Variants in TMEM135 observed in about 807,000 individuals in gnomAD.
TMEM135 encodes the protein peroxisomal membrane protein 52.
TMEM135 carries 30 observed loss-of-function variants against 60.3 expected under a neutral mutation model. That is an observed-to-expected ratio of 0.50 (90% CI 0.37 to 0.68). The LOEUF (loss-of-function observed/expected upper bound fraction) is 0.68, where lower values mean the gene tolerates loss of function less well. Ranked by LOEUF, TMEM135 falls within the 30% of genes least tolerant of loss-of-function variation. The pLI, the probability that TMEM135 is intolerant of heterozygous loss-of-function variation, is 0.00. For missense variants in TMEM135, 468 were observed against 548.8 expected (o/e 0.85, Z 1.47); for synonymous variants, 190 against 186.7 (o/e 1.02, Z -0.14).
At chr11:87,176,377 A>T (rs780075820) in intron 5 of TMEM135, among the ~76,000 whole-genome samples, 3 of 152,078 alleles carry the variant, frequency 2.0e-5, no homozygotes, top group Non-Finnish European at 4.4e-5. Context: ...TGCTAGCCCC[A>T]TGTGTCTTGT....
intron 5 of TMEM135, among the ~76,000 whole-genome samples, chr11:87,174,269 T>G (rs750934920): frequency 6.6e-5 from 10 of 152,104 alleles, no homozygotes; most frequent in Non-Finnish European, 1.5e-4. Flanking sequence ...GGGAAGAAAA[T>G]ATTAAGATAC....
chr11:87,061,515 T>G (rs562415451), intron 1 of TMEM135, among the ~76,000 whole-genome samples: 1 of 152,356 alleles, frequency 6.6e-6, no homozygotes, highest in Non-Finnish European at 1.5e-5. Flanking sequence ...GACTCTTATT[T>G]GCAAACTATT....
chr11:87,242,870 G>A (rs1163889698), intron 6 of TMEM135, among the ~76,000 whole-genome samples: 4 of 147,698 alleles, frequency 2.7e-5, no homozygotes, highest in African/African-American at 1.0e-4. Flanking sequence ...GATCCCATTT[G>A]TCAATTTTGG....
At chr11:87,180,973 A>G (rs1187464021) in intron 5 of TMEM135, among the ~76,000 whole-genome samples, 1 of 152,210 alleles carries the variant, frequency 6.6e-6, no homozygotes, top group Non-Finnish European at 1.5e-5. Flanking sequence ...AACAGCAGCT[A>G]ACAAATGCCA....
At chr11:87,221,757 T>G (rs1940621267) in intron 5 of TMEM135, among the ~76,000 whole-genome samples, 1 of 152,246 alleles carries the variant, frequency 6.6e-6, no homozygotes, top group Non-Finnish European at 1.5e-5. Flanking sequence ...CACTAGATTT[T>G]CATCCCTATG....
At chr11:87,096,982 G>A (rs1429855124) in intron 4 of TMEM135, among the ~76,000 whole-genome samples, 1 of 147,696 alleles carries the variant, frequency 6.8e-6, no homozygotes, top group African/African-American at 2.5e-5. Context: ...AGACAGTAGA[G>A]TATTCCTGGA....
chr11:87,149,544 A>G (rs1938502125), intron 4 of TMEM135, among the ~76,000 whole-genome samples: 1 of 152,206 alleles, frequency 6.6e-6, no homozygotes, highest in African/African-American at 2.4e-5. Context: ...TATGTTCTTA[A>G]TATTGTCTTA....
chr11:87,250,117 C>T (rs1941381274), intron 6 of TMEM135, among the ~76,000 whole-genome samples: 1 of 152,068 alleles, frequency 6.6e-6, no homozygotes, highest in African/African-American at 2.4e-5. Flanking sequence ...CTCTTAGGAG[C>T]ATTTGCATTT....
chr11:87,173,061 A>C (rs1228791377), intron 5 of TMEM135, among the ~76,000 whole-genome samples: 6 of 152,078 alleles, frequency 3.9e-5, no homozygotes, highest in Non-Finnish European at 8.8e-5. Flanking sequence ...ACCTAGAAGT[A>C]AACTCTCAAA....
intron 5 of TMEM135, among the ~76,000 whole-genome samples, chr11:87,205,720 C>T (rs1018224513): frequency 1.3e-5 from 2 of 152,090 alleles, no homozygotes; most frequent in Admixed American, 6.5e-5. Context: ...GACAGTGTCT[C>T]GTAATATTTT....
At chr11:87,153,070 C>G (rs541558946) in intron 4 of TMEM135, among the ~76,000 whole-genome samples, 37 of 152,014 alleles carry the variant, frequency 2.4e-4, no homozygotes, top group Admixed American at 1.1e-3. Context: ...TTTAAAATTC[C>G]GTGATGTTTC....
At chr11:87,214,675 T>C (rs1591109469) in intron 5 of TMEM135, among the ~76,000 whole-genome samples, 1 of 152,172 alleles carries the variant, frequency 6.6e-6, no homozygotes, top group East Asian at 1.9e-4. Flanking sequence ...TCTGAGTATT[T>C]AAAGCTTTTT....
intron 6 of TMEM135, among the ~76,000 whole-genome samples, chr11:87,262,617 C>T (rs1941673900): frequency 6.6e-6 from 1 of 152,128 alleles, no homozygotes; most frequent in African/African-American, 2.4e-5. Flanking sequence ...TTGTATCAAT[C>T]AGCTACTGTA....
chr11:87,075,080 C>T (rs948166512), intron 3 of TMEM135, among the ~76,000 whole-genome samples: 2 of 152,114 alleles, frequency 1.3e-5, no homozygotes, highest in African/African-American at 4.8e-5. Flanking sequence ...CACCGCCTCC[C>T]CAACCCCCGA....
At position 87,325,765 on chromosome 11, in the gene TMEM135, T is replaced by C. The variant is rs958677187; in HGVS notation, c.*4432T>C. On this transcript the variant is annotated 3_prime_UTR_variant, in exon 15 of 15. Coordinates refer to ENST00000305494, the MANE Select transcript of TMEM135 (RefSeq NM_022918.4). ...GATGTAGAAGATAATTGCACAGATA[T>C]GGAAGGAGATGTTTCTCTGTATGTG... is the stretch of plus-strand genomic sequence containing the variant. 2.2e-6 allele frequency: 1 copy of C among 453,868 alleles called. No homozygotes were observed. The highest frequency in any genetic ancestry group is 2.0e-5 in the African/African-American group (1 of 49,968). 28.1% of individuals were successfully genotyped at this position (453,868 alleles called of 1,614,324 possible). A position where few individuals can be genotyped will look rare whatever the true frequency, so the allele number is the denominator to read the frequency against.
At chr11:87,285,385 C>G (rs1206042669) in intron 6 of TMEM135, among the ~76,000 whole-genome samples, 1 of 152,144 alleles carries the variant, frequency 6.6e-6, no homozygotes, top group Non-Finnish European at 1.5e-5. Flanking sequence ...TGTTACAGTT[C>G]TTAAAGATGG....
intron 3 of TMEM135, among the ~76,000 whole-genome samples, chr11:87,075,113 C>T (rs1856843714): frequency 1.3e-5 from 2 of 152,096 alleles, no homozygotes; most frequent in African/African-American, 4.8e-5. Context: ...ACTACAGGTG[C>T]ACACCACTAT....
Position 87,324,551 on chromosome 11 carries a change from C to T in TMEM135, c.*3218C>T, listed in dbSNP as rs1372285356. 2 of 452,684 alleles carry T rather than the reference C, an allele frequency of 4.4e-6. No homozygotes were observed. Among genetic ancestry groups the T allele is most frequent in the South Asian group, 1.6e-5 (1 of 63,896 alleles). 28.0% of individuals were successfully genotyped at this position (452,684 alleles called of 1,614,324 possible). A position where few individuals can be genotyped will look rare whatever the true frequency, so the allele number is the denominator to read the frequency against. On this transcript the variant is annotated 3_prime_UTR_variant, in exon 15 of 15. Transcript: ENST00000305494. The stretch of plus-strand genomic sequence containing the variant: ...ATTATTTCCCCTCAGTCTCTAATAG[C>T]TGGGACAACAGGCATGTGCCACCAT...
At chr11:87,190,004 A>T (rs1167240203) in intron 5 of TMEM135, among the ~76,000 whole-genome samples, 2 of 152,220 alleles carry the variant, frequency 1.3e-5, no homozygotes, top group African/African-American at 4.8e-5. Context: ...AGAACAGTAG[A>T]TACAAAATCA....
Sources: gnomAD v4.1 joint callset for allele counts (sites outside exome capture counted in the v4.1 genomes callset) on GRCh38, gnomAD v4.1.1 for gene constraint, MANE v1.5 for transcripts, NCBI Gene and HGNC (gene_info 2026-07-23, HGNC 2026-07-21) for gene names.